COL5A2: variants seen among roughly 807,000 people sequenced by gnomAD.
COL5A2 encodes the protein collagen type V alpha 2 chain.
COL5A2 carries 23 observed loss-of-function variants against 208.2 expected under a neutral mutation model. The observed-to-expected ratio is 0.11, with a 90% confidence interval of 0.08 to 0.16. The LOEUF (loss-of-function observed/expected upper bound fraction) is 0.16, where lower values mean the gene tolerates loss of function less well. Among genes scored for constraint, COL5A2 ranks in the 10% least tolerant of loss-of-function variants. The pLI, the probability that COL5A2 is intolerant of heterozygous loss-of-function variation, is 1.00. For synonymous variants in COL5A2, 625 were observed against 628.5 expected, an observed-to-expected ratio of 0.99 and a Z score of 0.08; for missense variants, 1,590 against 1,956.4, an observed-to-expected ratio of 0.81 and a Z score of 3.53.
chr2:189,326,413 G>T, the COL5A2 span, among the ~76,000 whole-genome samples: 3 of 152,148 alleles, frequency 2.0e-5, no homozygotes, highest in African/African-American at 7.2e-5. Context: ...AGGTTATTTA[G>T]GTCAGGTGTA....
the COL5A2 span, among the ~76,000 whole-genome samples, chr2:189,418,354 G>A: frequency 2.6e-5 from 4 of 152,176 alleles, no homozygotes; most frequent in African/African-American, 7.2e-5. Flanking sequence ...CCCTGAGGAT[G>A]AAGTTTGGCT....
the COL5A2 span, among the ~76,000 whole-genome samples, chr2:189,407,546 A>G: frequency 6.6e-6 from 1 of 152,154 alleles, no homozygotes; most frequent in East Asian, 1.9e-4. Context: ...TAATGTTTTA[A>G]TGGCAAAAGA....
At chr2:189,344,161 T>C in the COL5A2 span, among the ~76,000 whole-genome samples, 1 of 152,220 alleles carries the variant, frequency 6.6e-6, no homozygotes, top group Non-Finnish European at 1.5e-5. Context: ...ATCTCAGAAC[T>C]CCAGCCATGA....
At chr2:189,367,566 T>C in the COL5A2 span, among the ~76,000 whole-genome samples, 1 of 152,172 alleles carries the variant, frequency 6.6e-6, no homozygotes, top group Non-Finnish European at 1.5e-5. Flanking sequence ...TTCCACATTA[T>C]TTACACAGTG....
At chr2:189,369,775 G>A in the COL5A2 span, among the ~76,000 whole-genome samples, 1 of 152,108 alleles carries the variant, frequency 6.6e-6, no homozygotes, top group Non-Finnish European at 1.5e-5. Flanking sequence ...CAAAAGATGA[G>A]TTTTGCTTTG....
chr2:189,390,741 C>T, the COL5A2 span, among the ~76,000 whole-genome samples: 6 of 152,188 alleles, frequency 3.9e-5, no homozygotes, highest in Admixed American at 3.3e-4. Flanking sequence ...CTCCCAACTG[C>T]AATCTTCACT....
chr2:189,264,823 T>C, the COL5A2 span, among the ~76,000 whole-genome samples: 10 of 152,172 alleles, frequency 6.6e-5, no homozygotes, highest in Non-Finnish European at 1.2e-4. Flanking sequence ...AATAACCTAT[T>C]CAGAGTACTG....
chr2:189,212,696 A>G (rs1460385931), intron 1 of COL5A2, among the ~76,000 whole-genome samples: 2 of 151,566 alleles, frequency 1.3e-5, no homozygotes, highest in East Asian at 3.9e-4. Context: ...CTACACTGAG[A>G]TGACACTGAT....
At chr2:189,057,128 C>T (rs775421176) in intron 34 of COL5A2, 102 bp from the exon 35 acceptor site, 54 of 1,339,296 alleles carry the variant, frequency 4.0e-5, no homozygotes, top group Non-Finnish European at 5.1e-5. Context: ...TTTTCCTAGT[C>T]GTATCCAGGT....
At chr2:189,123,351 C>A (rs1233058298) in intron 1 of COL5A2, among the ~76,000 whole-genome samples, 2 of 152,086 alleles carry the variant, frequency 1.3e-5, no homozygotes, top group African/African-American at 4.8e-5. Flanking sequence ...TTGTGCCCTG[C>A]TAAAAGATAT....
chr2:189,075,291 A>T (rs1686380412), intron 17 of COL5A2, 102 bp downstream of exon 17: 1 of 805,172 alleles, frequency 1.2e-6, no homozygotes, highest in Admixed American at 1.9e-5. Context: ...TTTTATTCCA[A>T]GTGTCTGGCA....
At chr2:189,302,550 A>G in the COL5A2 span, among the ~76,000 whole-genome samples, 2 of 152,192 alleles carry the variant, frequency 1.3e-5, no homozygotes, top group African/African-American at 4.8e-5. Flanking sequence ...TCAAAAAATA[A>G]TATCTTAGAA....
the COL5A2 span, among the ~76,000 whole-genome samples, chr2:189,363,254 T>C: frequency 6.6e-6 from 1 of 152,124 alleles, no homozygotes; most frequent in East Asian, 1.9e-4. Context: ...GGAAAGGTAA[T>C]GCATCTAAAG....
At chr2:189,183,709 C>A (rs1387560404), upstream of COL5A2, among the ~76,000 whole-genome samples, 2 of 152,166 alleles carry the variant, frequency 1.3e-5, no homozygotes, top group Non-Finnish European at 2.9e-5. Context: ...GTTATGCATT[C>A]TTTCATTCAA....
chr2:189,368,854 T>C, the COL5A2 span, among the ~76,000 whole-genome samples: 2 of 152,132 alleles, frequency 1.3e-5, no homozygotes, highest in African/African-American at 4.8e-5. Context: ...CCATGTACTA[T>C]ATAGTTAACT....
chr2:189,058,390 T>C (rs1685947268), intron 33 of COL5A2, 39 bp downstream of exon 33: 1 of 1,495,084 alleles, frequency 6.7e-7, no homozygotes, highest in Non-Finnish European at 9.3e-7. Flanking sequence ...GCAGTAATTT[T>C]AAAGCATTTT....
the COL5A2 span, among the ~76,000 whole-genome samples, chr2:189,432,737 C>T: frequency 2.6e-5 from 4 of 152,252 alleles, no homozygotes; most frequent in South Asian, 2.1e-4. Context: ...TAATGGGAGA[C>T]TTTAACACCC....
the COL5A2 span, among the ~76,000 whole-genome samples, chr2:189,411,601 C>A: frequency 1.2e-3 from 184 of 152,180 alleles, no homozygotes; most frequent in African/African-American, 4.3e-3. Flanking sequence ...ATCAATATAG[C>A]ATTTTAATAT....
Position 189,080,976 on chromosome 2 carries a change from T to C in COL5A2, c.906+14A>G, listed in dbSNP as rs768645507. 20 of 1,609,574 alleles carry C rather than the reference T, an allele frequency of 1.2e-5. No homozygotes were observed. The African/African-American group carries it at 1.6e-4, about 13-fold the overall frequency. On this transcript the variant is annotated intron_variant, in intron 13 of 53. Transcript: ENST00000374866. Reference sequence around the variant, plus strand: ...ACCACAGTATCTGAGAGGATTACAATAGATTGAACTTACTCGGTGACCCTT... The same window carrying C: ...ACCACAGTATCTGAGAGGATTACAACAGATTGAACTTACTCGGTGACCCTT...
Sources: allele counts gnomAD v4.1 joint callset (sites outside exome capture counted in the v4.1 genomes callset), GRCh38; gene constraint gnomAD v4.1.1; transcripts MANE v1.5; gene names NCBI Gene and HGNC (gene_info 2026-07-23, HGNC 2026-07-21).